The following EXT2 variants were observed in gnomAD, a reference collection of about 807,000 sequenced individuals.
The protein encoded by EXT2 is exostosin glycosyltransferase 2.
A neutral mutation model predicts 81.6 loss-of-function variants in EXT2; 53 were observed. That is an observed-to-expected ratio of 0.65 (90% CI 0.52 to 0.82). EXT2 has a LOEUF of 0.82. Among genes scored for constraint, EXT2 ranks in the 40% least tolerant of loss-of-function variants. The pLI is 0.00. For synonymous variants in EXT2, 320 were observed against 340.0 expected (o/e 0.94, Z 0.65); for missense variants, 774 against 910.2 (o/e 0.85, Z 1.93).
chr11:44,172,583 C>CTTTTTTT (rs35070892), intron 8 of EXT2, among the ~76,000 whole-genome samples: 1 of 107,402 alleles, frequency 9.3e-6, no homozygotes, highest in African/African-American at 3.2e-5. Context: ...TCTACCTTTT[C>CTTTTTTT]TTTTTTTTTT....
chr11:44,234,262 C>T lies in EXT2; in HGVS notation c.1935+19C>T, dbSNP rs1318387403. ...TATCAAGGTAGGAGGCTCTGCCACT[C>T]ACTTGCTTTGTGATCTTGGGCAAAT... On this transcript the variant is annotated intron_variant, in intron 12 of 13. Coordinates refer to ENST00000533608, the MANE Select transcript of EXT2 (RefSeq NM_207122.2). 9.9e-6 allele frequency: 16 copies of T among 1,612,282 alleles called. No homozygotes were observed. Among genetic ancestry groups the T allele is most frequent in the East Asian group, 2.2e-5 (1 of 44,816 alleles).
chr11:44,097,909 G>A (rs1953924534), intron 1 of EXT2, among the ~76,000 whole-genome samples: 1 of 152,212 alleles, frequency 6.6e-6, no homozygotes, highest in Non-Finnish European at 1.5e-5. Context: ...GCAAATTTTA[G>A]GAATAAATAA....
intron 10 of EXT2, among the ~76,000 whole-genome samples, chr11:44,231,654 T>C (rs1955900167): frequency 6.6e-6 from 1 of 152,140 alleles, no homozygotes; most frequent in African/African-American, 2.4e-5. Context: ...AGCCAACAAA[T>C]TGTTATACTC....
At chr11:44,240,001 T>G (rs1398542059) in intron 13 of EXT2, among the ~76,000 whole-genome samples, 1 of 152,154 alleles carries the variant, frequency 6.6e-6, no homozygotes, top group Non-Finnish European at 1.5e-5. Context: ...TTACAATCCC[T>G]AATACAACAT....
intron 10 of EXT2, among the ~76,000 whole-genome samples, chr11:44,228,963 CA>C (rs1955867979): frequency 2.0e-5 from 3 of 151,608 alleles, no homozygotes; most frequent in Admixed American, 2.0e-4. Flanking sequence ...TCAAAGTAAA[CA>C]GGGGGAGAAA....
At chr11:44,208,801 G>A (rs1955613686) in intron 10 of EXT2, among the ~76,000 whole-genome samples, 1 of 152,194 alleles carries the variant, frequency 6.6e-6, no homozygotes, top group Admixed American at 6.5e-5. Flanking sequence ...TAGCTAATAA[G>A]TGGAAGAATT....
At chr11:44,105,953 G>A (rs1954048485) in intron 1 of EXT2, among the ~76,000 whole-genome samples, 1 of 152,302 alleles carries the variant, frequency 6.6e-6, no homozygotes, top group East Asian at 1.9e-4. Flanking sequence ...GGTGGGGATG[G>A]CTCATCTCTT....
At chr11:44,164,876 CTT>C (rs372890914) in intron 7 of EXT2, among the ~76,000 whole-genome samples, 8 of 137,516 alleles carry the variant, frequency 5.8e-5, no homozygotes, top group African/African-American at 8.1e-5. Flanking sequence ...CTCATTCACA[CTT>C]TTTTTTTTTT....
chr11:44,238,222 T>A (rs1304183146), intron 13 of EXT2, among the ~76,000 whole-genome samples: 2 of 152,186 alleles, frequency 1.3e-5, no homozygotes, highest in Non-Finnish European at 2.9e-5. Flanking sequence ...AGAGAAAGGA[T>A]CTTGCTCTGT....
chr11:44,131,272 T>C (rs953322582), intron 7 of EXT2, among the ~76,000 whole-genome samples: 2 of 152,246 alleles, frequency 1.3e-5, no homozygotes, highest in African/African-American at 4.8e-5. Context: ...AAATTCCCCT[T>C]AATTGTCATT....
At chr11:44,170,824 A>G (rs981722903) in intron 7 of EXT2, among the ~76,000 whole-genome samples, 3 of 143,520 alleles carry the variant, frequency 2.1e-5, no homozygotes, top group Non-Finnish European at 4.5e-5. Flanking sequence ...ACACACACAC[A>G]CACACACACA....
At chr11:44,145,459 C>T (rs903400120) in intron 7 of EXT2, among the ~76,000 whole-genome samples, 7 of 152,068 alleles carry the variant, frequency 4.6e-5, no homozygotes, top group Non-Finnish European at 7.4e-5. Context: ...AAGAGTTAGG[C>T]CTGTTTCTAC....
intron 8 of EXT2, among the ~76,000 whole-genome samples, chr11:44,177,953 G>A (rs1955181945): frequency 6.6e-6 from 1 of 152,220 alleles, no homozygotes; most frequent in South Asian, 2.1e-4. Flanking sequence ...AATCTAGCCA[G>A]AGTGGCAACT....
chr11:44,198,399 A>T (rs988150557), intron 9 of EXT2, among the ~76,000 whole-genome samples: 6 of 151,012 alleles, frequency 4.0e-5, no homozygotes, highest in Non-Finnish European at 7.4e-5. Context: ...AAAAAAAGGG[A>T]TGGCCTCACT....
Position 44,151,404 on chromosome 11 carries a change from G to A in EXT2, c.1174-20207G>A, listed in dbSNP as rs548689617. ...TAATTGCTCCCTTCTCCCAACTCTC[G>A]GAAACCATTGATCTTTTTACTGTCT... is the stretch of plus-strand genomic sequence containing the variant. On this transcript the variant is annotated intron_variant, in intron 7 of 13. Transcript: ENST00000533608. Among the ~76,000 whole-genome samples the A allele has an allele frequency of 1.7e-4, 26 of 151,682 alleles. No individual in the cohort carries two copies. In the South Asian group the frequency reaches 4.4e-3, roughly 26 times the overall value.
At chr11:44,162,983 A>G (rs1175082068) in intron 7 of EXT2, among the ~76,000 whole-genome samples, 3 of 152,250 alleles carry the variant, frequency 2.0e-5, no homozygotes, top group Non-Finnish European at 4.4e-5. Context: ...TCCCAGGTAT[A>G]TTAACCTTTT....
chr11:44,244,865 A>C lies in EXT2; in HGVS notation c.*578A>C. 4.2e-6 allele frequency: 1 copy of C among 236,636 alleles called. No individual in the cohort carries two copies. Among genetic ancestry groups the C allele is most frequent in the East Asian group, 6.0e-5 (1 of 16,596 alleles). The allele number at this position is 236,636 out of a possible 1,614,324, so 14.7% of individuals were successfully genotyped here. A position where few individuals can be genotyped will look rare whatever the true frequency, so the allele number is the denominator to read the frequency against. ...CCAGCCGCTGAGTCAGGATCCTGTC[A>C]GTTCCATGAGCTATTCCTCTTTGGT... is the stretch of plus-strand genomic sequence containing the variant. On this transcript the variant is annotated 3_prime_UTR_variant, in exon 14 of 14. Coordinates refer to ENST00000533608, the MANE Select transcript of EXT2 (RefSeq NM_207122.2).
chr11:44,146,113 C>T (rs926734726), intron 7 of EXT2, among the ~76,000 whole-genome samples: 12 of 152,340 alleles, frequency 7.9e-5, no homozygotes, highest in Non-Finnish European at 1.3e-4. Context: ...CCTCTTGCCT[C>T]CTCTTCACGT....
chr11:44,236,158 GGTGT>G (rs3832748), intron 12 of EXT2, 131 bp from the exon 13 acceptor site: 201 of 705,200 alleles, frequency 2.9e-4, no homozygotes, highest in East Asian at 5.0e-4. Flanking sequence ...GGAATGGCGA[GGTGT>G]GTGTGTGTGT....
Sources: allele counts gnomAD v4.1 joint callset (sites outside exome capture counted in the v4.1 genomes callset), GRCh38; gene constraint gnomAD v4.1.1; transcripts MANE v1.5; gene names NCBI Gene and HGNC (gene_info 2026-07-23, HGNC 2026-07-21).